The following KIF17 variants were observed in gnomAD, a reference collection of about 807,000 sequenced individuals.
KIF17 encodes the protein kinesin-like protein KIF17.
Under a neutral mutation model 96.8 loss-of-function variants are expected in KIF17, and 80 were observed. The observed-to-expected ratio is 0.83, with a 90% CI of 0.69 to 1.00. The LOEUF is 1.00. Ranked by LOEUF, KIF17 falls within the 50% of genes least tolerant of loss-of-function variation. KIF17 has a pLI of 0.00. For missense variants in KIF17, 1,280 were observed against 1,372.9 expected, an observed-to-expected ratio of 0.93 and a Z score of 1.07; for synonymous variants, 567 against 587.5, an observed-to-expected ratio of 0.97 and a Z score of 0.51.
Position 20,664,250 on chromosome 1 carries a change from C to G in KIF17, c.*334G>C, listed in dbSNP as rs559640591. 1.8e-5 allele frequency: 18 copies of G among 1,010,330 alleles called. No homozygotes were observed. In the African/African-American group the frequency reaches 3.0e-4, roughly 17 times the overall value. The allele number at this position is 1,010,330 out of a possible 1,614,324, so 62.6% of individuals were successfully genotyped here. On this transcript the variant is annotated 3_prime_UTR_variant, in exon 15 of 15. Coordinates refer to ENST00000400463, the MANE Select transcript of KIF17 (RefSeq NM_001122819.3). ...CCTCTCCATCAGGGCTGGTGAAGGC[C>G]GTGAAGCAGGTCTCAGGCTTTGAGG... is the stretch of plus-strand genomic sequence containing the variant.
intron 2 of KIF17, 107 bp downstream of exon 2, chr1:20,715,386 G>T (rs981386445): frequency 2.8e-6 from 4 of 1,433,056 alleles, no homozygotes; most frequent in Non-Finnish European, 3.9e-6. Flanking sequence ...TGATCTGCAC[G>T]GGTCAGGCCG....
At chr1:20,683,071 A>G (rs1414801520) in intron 10 of KIF17, among the ~76,000 whole-genome samples, 187 bp from the exon 11 acceptor site, 1 of 152,182 alleles carries the variant, frequency 6.6e-6, no homozygotes, top group Non-Finnish European at 1.5e-5. Context: ...ATTCCTGCCC[A>G]ACTCCCTGCC....
rs772321311 is a variant in KIF17, at chr1:20,717,701, G to A, written c.6C>T (p.Ala2=). The change falls in exon 1 of 15, where the codon GCC becomes GCT. Residue 2 remains alanine, a synonymous_variant. Transcript: ENST00000400463. ...GCACGACAACCTTCACCGCCTCGGA[G>A]GCCATGGCGCCGCGCCCAGGACCAA... M[A]SEAVKVVVRC... is the part of the protein sequence containing the mutation. 1.9e-6 allele frequency: 3 copies of A among 1,585,850 alleles called. No individual in the cohort carries two copies. The highest frequency in any genetic ancestry group is 2.6e-6 in the Non-Finnish European group (3 of 1,172,634).
At position 20,665,158 on chromosome 1, in the gene KIF17, TC is replaced by T. The variant is rs71585777; in HGVS notation, c.2909-397del. ...ATGCCAGGCACTCAATTAATCCTAT[TC>T]CCCCCGCCCCACCCATTCTGTCTCT... On this transcript the variant is annotated intron_variant, in intron 14 of 14. Transcript: ENST00000400463. Among the ~76,000 whole-genome samples the T allele has an allele frequency of 7.4e-5, 7 of 94,496 alleles. 1 individual carries two copies. Among genetic ancestry groups the T allele is most frequent in the African/African-American group, 2.9e-4 (6 of 20,890 alleles). The allele number at this position is 94,496 out of a possible 152,430, so 62.0% of individuals were successfully genotyped here. A position where few individuals can be genotyped will look rare whatever the true frequency, so the allele number is the denominator to read the frequency against.
intron 10 of KIF17, 41 bp from the exon 11 acceptor site, chr1:20,682,925 C>T (rs761978631): frequency 5.1e-6 from 8 of 1,562,402 alleles, no homozygotes; most frequent in East Asian, 2.2e-5. Context: ...CAATATCTGC[C>T]CATCACCGAG....
At chr1:20,679,889 C>G (rs903544013) in intron 11 of KIF17, among the ~76,000 whole-genome samples, 1 of 152,212 alleles carries the variant, frequency 6.6e-6, no homozygotes, top group African/African-American at 2.4e-5. Context: ...TACCTGGACT[C>G]TGACCTACAG....
rs2053881046 is a variant in KIF17, at chr1:20,683,972, GT to G, written c.2231+836del. Among the ~76,000 whole-genome samples the G allele has an allele frequency of 2.0e-5, 3 of 152,370 alleles. No individual in the cohort carries two copies. In the South Asian group the frequency reaches 6.2e-4, roughly 32 times the overall value. On this transcript the variant is annotated intron_variant, in intron 10 of 14. Coordinates refer to ENST00000400463, the MANE Select transcript of KIF17 (RefSeq NM_001122819.3). The stretch of plus-strand genomic sequence containing the variant: ...AAAACAGCCAGGACATGTGCCAAGT[GT>G]TTACTGCGTGCCCAGCGCGGGGCTG...
In KIF17 at chr1:20,704,418, C is replaced by T. The variant is rs1296750054; in HGVS notation, c.1123+29G>A. On this transcript the variant is annotated intron_variant, in intron 5 of 14. Transcript: ENST00000400463. This position sits in a 1 kb window ranked among gnomAD's most constrained non-coding sequence, Gnocchi z 6.8. ...GAAGCTTTCTCCTGGGGACCTGGCC[C>T]TCCCGCCACTACCCCAACGTGGTCC... is the stretch of plus-strand genomic sequence containing the variant. 2 of 1,588,076 alleles carry T rather than the reference C, an allele frequency of 1.3e-6. No individual in the cohort carries two copies. Among genetic ancestry groups the T allele is most frequent in the Middle Eastern group, 1.7e-4 (1 of 6,050 alleles).
At chr1:20,697,547 C>T (rs538071493) in intron 6 of KIF17, among the ~76,000 whole-genome samples, 187 of 152,290 alleles carry the variant, frequency 1.2e-3, no homozygotes, top group African/African-American at 3.5e-3. Context: ...TTTGAAGGTG[C>T]AGTGAGTTGA....
At chr1:20,679,818 G>A (rs1381361238) in intron 11 of KIF17, among the ~76,000 whole-genome samples, 1 of 152,208 alleles carries the variant, frequency 6.6e-6, no homozygotes, top group East Asian at 1.9e-4. Flanking sequence ...AAGAAGTCCA[G>A]CCCTGCTAAC....
intron 13 of KIF17, among the ~76,000 whole-genome samples, chr1:20,667,523 C>A (rs772524599): frequency 6.6e-6 from 1 of 152,156 alleles, no homozygotes; most frequent in East Asian, 1.9e-4. Flanking sequence ...AACTATCAGA[C>A]CCCCCACCCC....
At chr1:20,712,901 C>CTATCTATAATATAGATAA (rs2054499236) in intron 3 of KIF17, among the ~76,000 whole-genome samples, 3 of 97,428 alleles carry the variant, frequency 3.1e-5, no homozygotes, top group African/African-American at 1.3e-4. Flanking sequence ...ATAATATTAT[C>CTATCTATAATATAGATAA]TATATTATAT....
chr1:20,687,335 GGCAAGCTCTGCCT>G lies in KIF17; in HGVS notation c.1938+40_1938+52del. On this transcript the variant is annotated intron_variant, in intron 8 of 14. Transcript: ENST00000400463. This position sits in a 1 kb window ranked among gnomAD's most constrained non-coding sequence, Gnocchi z 4.4. ...TGTGCACAGTGAGCTCCGGGCCCTG[GGCAAGCTCTGCCT>G]GCTCAGTGTTCACATGGCACCATGC... 1 of 1,590,940 alleles carries G rather than the reference GGCAAGCTCTGCCT, an allele frequency of 6.3e-7. No individual in the cohort carries two copies. Among genetic ancestry groups the G allele is most frequent in the African/African-American group, 1.3e-5 (1 of 74,594 alleles).
At chr1:20,714,177 A>C (rs1455712203) in intron 2 of KIF17, among the ~76,000 whole-genome samples, 2 of 152,222 alleles carry the variant, frequency 1.3e-5, no homozygotes, top group Non-Finnish European at 2.9e-5. Flanking sequence ...AATACAAAAA[A>C]TTAGCCAGGC....
At chr1:20,705,481 A>G (rs1192445403) in intron 4 of KIF17, among the ~76,000 whole-genome samples, 6 of 152,210 alleles carry the variant, frequency 3.9e-5, no homozygotes, top group Non-Finnish European at 8.8e-5. Context: ...GGCAGATGTT[A>G]GAAGCCACAT....
At chr1:20,696,714 T>G (rs2054147307) in intron 6 of KIF17, among the ~76,000 whole-genome samples, 1 of 151,876 alleles carries the variant, frequency 6.6e-6, no homozygotes, top group Non-Finnish European at 1.5e-5. Flanking sequence ...CCTCCATCTG[T>G]GACCAGAGCC....
rs530915346 is a variant in KIF17, at chr1:20,710,277, T to C, written c.481-449A>G. Among the ~76,000 whole-genome samples the C allele has an allele frequency of 2.6e-5, 4 of 152,270 alleles. No individual in the cohort carries two copies. In the South Asian group the frequency reaches 8.3e-4, roughly 32 times the overall value. ...CAGATCCCAGGGGCTGAGCCTGTCG[T>C]CACCCATGAGCCCTGAGTGCTGTCT... On this transcript the variant is annotated intron_variant, in intron 3 of 14. Coordinates refer to ENST00000400463, the MANE Select transcript of KIF17 (RefSeq NM_001122819.3).
At chr1:20,670,275 G>C (rs1425554468) in intron 13 of KIF17, 146 bp downstream of exon 13, 2 of 779,064 alleles carry the variant, frequency 2.6e-6, no homozygotes, top group Admixed American at 4.0e-5. Flanking sequence ...GGAGGGGCAT[G>C]AAAAGGATCC....
intron 10 of KIF17, among the ~76,000 whole-genome samples, chr1:20,684,487 T>C (rs1332469804): frequency 2.0e-5 from 3 of 151,854 alleles, no homozygotes; most frequent in Admixed American, 2.0e-4. Flanking sequence ...TGTGGGTGAG[T>C]GGGTCTCACA....
Sources: allele counts gnomAD v4.1 joint callset (sites outside exome capture counted in the v4.1 genomes callset), GRCh38; gene constraint gnomAD v4.1.1; non-coding constraint Gnocchi (gnomAD v3.1); transcripts MANE v1.5; gene names NCBI Gene and HGNC (gene_info 2026-07-23, HGNC 2026-07-21).